WDR37: variants seen among roughly 807,000 people sequenced by gnomAD.
WDR37 encodes WD repeat domain 37, also known as WD repeat-containing protein 37.
A neutral mutation model predicts 62.9 loss-of-function variants in WDR37; 19 were observed. The ratio of observed to expected loss-of-function variants is 0.30; its 90% CI spans 0.21 to 0.44. WDR37 has a LOEUF of 0.44. Among genes scored for constraint, WDR37 ranks in the 20% least tolerant of loss-of-function variants. WDR37 has a pLI of 1.00. For synonymous variants in WDR37, 250 were observed against 260.9 expected, an observed-to-expected ratio of 0.96 and a Z score of 0.40; for missense variants, 474 against 657.6, an observed-to-expected ratio of 0.72 and a Z score of 3.05.
Position 1,103,754 on chromosome 10 carries a change from G to C in WDR37, c.879G>C (p.Gly293=). ...VVIASDWLVG[G]KQAVTASWDR... is the part of the protein sequence containing the mutation. ...TCGCCTCCGACTGGCTGGTTGGGGG[G>C]AAGCAGGCTGTGACTGCCTCCTGGG... Residue 293 remains glycine (G), a synonymous_variant, in exon 10 of 14, where the codon GGG becomes GGC. Coordinates refer to ENST00000263150, the MANE Select transcript of WDR37 (RefSeq NM_014023.4). This position sits in a 1 kb window ranked among gnomAD's most constrained non-coding sequence, Gnocchi z 6.3. 1 of 1,614,242 alleles carries C rather than the reference G, an allele frequency of 6.2e-7. No individual in the cohort carries two copies. Among genetic ancestry groups the C allele is most frequent in the African/African-American group, 1.3e-5 (1 of 75,062 alleles).
Position 1,080,495 on chromosome 10 carries a change from C to G in WDR37, c.396+19C>G, listed in dbSNP as rs370750793. The G allele has an allele frequency of 2.5e-6, 4 of 1,613,944 alleles. No homozygotes were observed. The South Asian group carries it at 4.4e-5, about 18-fold the overall frequency. ...CAGCAAGGTATGCAGGCCACTGGCT[C>G]TTGAGCCATCATGTGGTGGTTAAGG... is the stretch of plus-strand genomic sequence containing the variant. On this transcript the variant is annotated intron_variant, in intron 5 of 13. Transcript: ENST00000263150.
chr10:1,072,083 A>T, intron 1 of WDR37, 33 bp from the exon 2 acceptor site: 1 of 1,559,414 alleles, frequency 6.4e-7, no homozygotes, highest in South Asian at 1.2e-5. Flanking sequence ...AACTCGCTGT[A>T]TCAGAAACAC....
chr10:1,067,376 A>G (rs1235925925), intron 1 of WDR37, among the ~76,000 whole-genome samples: 2 of 152,346 alleles, frequency 1.3e-5, no homozygotes, highest in Non-Finnish European at 2.9e-5. Context: ...TTTGGCCCCT[A>G]GGGATTCATG....
At chr10:1,086,462 A>C in intron 7 of WDR37, 105 bp downstream of exon 7, 1 of 871,888 alleles carries the variant, frequency 1.1e-6, no homozygotes, top group Non-Finnish European at 1.8e-6. Flanking sequence ...AGGAAGCCTT[A>C]CTGTTTCGGT....
intron 3 of WDR37, among the ~76,000 whole-genome samples, chr10:1,078,634 G>A (rs964299900): frequency 2.0e-5 from 3 of 152,158 alleles, no homozygotes; most frequent in African/African-American, 7.2e-5. Flanking sequence ...CAGGTCCTTT[G>A]CGCTGCTCTA....
chr10:1,092,872 CAAAAAAAA>C lies in WDR37; in HGVS notation c.605-561_605-554del, dbSNP rs56220560. Among the ~76,000 whole-genome samples, 15 of 41,978 alleles carry C rather than the reference CAAAAAAAA, an allele frequency of 3.6e-4. No individual in the cohort carries two copies. The South Asian group carries it at 3.6e-3, about 10-fold the overall frequency. The allele number at this position is 41,978 out of a possible 152,430, so 27.5% of individuals were successfully genotyped here. A position where few individuals can be genotyped will look rare whatever the true frequency, so the allele number is the denominator to read the frequency against. On this transcript the variant is annotated intron_variant, in intron 7 of 13. Coordinates refer to ENST00000263150, the MANE Select transcript of WDR37 (RefSeq NM_014023.4). Reference sequence around the variant, plus strand: ...GCAACCAGAGCAAGACCCTATCTCACAAAAAAAAAAAAAAAAAAAAAAAAAAGAAGACC... The same window carrying C: ...GCAACCAGAGCAAGACCCTATCTCACAAAAAAAAAAAAAAAAAAGAAGACC...
intron 1 of WDR37, among the ~76,000 whole-genome samples, chr10:1,058,631 T>C (rs1477945576): frequency 6.6e-6 from 1 of 152,258 alleles, no homozygotes; most frequent in East Asian, 1.9e-4. Context: ...TTGATTGTCA[T>C]CCACAGAATT....
chr10:1,121,878 G>A lies in WDR37; in HGVS notation c.1104-2340G>A, dbSNP rs918220812. Among the ~76,000 whole-genome samples, 2 of 152,134 alleles carry A rather than the reference G, an allele frequency of 1.3e-5. No homozygotes were observed. The highest frequency in any genetic ancestry group is 2.4e-5 in the African/African-American group (1 of 41,416). ...CGCCGCATCATCCTGACTGTGTTCC[G>A]GGGTCTCGGTGTCAGAGCGTGTTGC... On this transcript the variant is annotated intron_variant, in intron 11 of 13. Transcript: ENST00000263150. The surrounding 1 kb of genome is among the most constrained non-coding windows in gnomAD (Gnocchi z 4.5).
rs561349607 is a variant in WDR37, at chr10:1,094,601, G to A, written c.649+1105G>A. ...GGAGTTTACACCTTACGAAGTTGGC[G>A]GTTTGTGGGATGATTGAAAAGGGAG... is the stretch of plus-strand genomic sequence containing the variant. On this transcript the variant is annotated intron_variant, in intron 8 of 13. Transcript: ENST00000263150. Among the ~76,000 whole-genome samples the A allele has an allele frequency of 7.9e-5, 12 of 152,294 alleles. No individual in the cohort carries two copies. In the South Asian group the frequency reaches 2.5e-3, roughly 32 times the overall value.
chr10:1,066,080 AAGAG>A (rs200052950), intron 1 of WDR37, among the ~76,000 whole-genome samples: 5 of 152,192 alleles, frequency 3.3e-5, no homozygotes, highest in South Asian at 2.1e-4. Context: ...AAAAAATAAA[AAGAG>A]AGATGTTAGT....
At chr10:1,064,888 C>T (rs1833491501) in intron 1 of WDR37, among the ~76,000 whole-genome samples, 1 of 152,094 alleles carries the variant, frequency 6.6e-6, no homozygotes, top group African/African-American at 2.4e-5. Flanking sequence ...AGCCACTGTG[C>T]CTGGCCTGAC....
intron 1 of WDR37, among the ~76,000 whole-genome samples, chr10:1,066,433 C>G (rs961943551): frequency 1.3e-5 from 2 of 152,036 alleles, no homozygotes; most frequent in African/African-American, 2.4e-5. Context: ...AGGACTAATG[C>G]AGAAAAAACC....
intron 11 of WDR37, among the ~76,000 whole-genome samples, chr10:1,112,688 T>A (rs990850266): frequency 6.6e-6 from 1 of 152,234 alleles, no homozygotes; most frequent in Non-Finnish European, 1.5e-5. Flanking sequence ...AATGCTGATA[T>A]GAAGGAACTT....
At chr10:1,065,201 C>A (rs758176212) in intron 1 of WDR37, among the ~76,000 whole-genome samples, 3 of 152,000 alleles carry the variant, frequency 2.0e-5, no homozygotes, top group Non-Finnish European at 4.4e-5. Flanking sequence ...GAAGCATAAC[C>A]GTGGTGTGGT....
chr10:1,088,903 A>G (rs1834291779), intron 7 of WDR37, among the ~76,000 whole-genome samples: 1 of 152,198 alleles, frequency 6.6e-6, no homozygotes, highest in Admixed American at 6.5e-5. Flanking sequence ...GCATCCACAC[A>G]TAGACGTGTA....
At chr10:1,067,585 T>C (rs1241926550) in intron 1 of WDR37, among the ~76,000 whole-genome samples, 2 of 152,142 alleles carry the variant, frequency 1.3e-5, no homozygotes, top group Non-Finnish European at 2.9e-5. Context: ...AAAACCCGAA[T>C]AATACTGTTA....
intron 11 of WDR37, among the ~76,000 whole-genome samples, chr10:1,117,765 T>C (rs1835450877): frequency 6.6e-6 from 1 of 152,198 alleles, no homozygotes; most frequent in African/African-American, 2.4e-5. Flanking sequence ...GAAAAGATGG[T>C]GGTGACCATG....
chr10:1,056,580 C>T lies in WDR37; in HGVS notation c.-429C>T, dbSNP rs956762659. On this transcript the variant is annotated 5_prime_UTR_variant, in exon 1 of 14. Coordinates refer to ENST00000263150, the MANE Select transcript of WDR37 (RefSeq NM_014023.4). ...CGCCCCGCCGGTGAGTAGCTACGAC[C>T]CCCGAGGCCACCTCCCGCGAACCGC... 1 of 152,228 alleles carries T rather than the reference C, an allele frequency of 6.6e-6. No individual in the cohort carries two copies. Among genetic ancestry groups the T allele is most frequent in the Non-Finnish European group, 1.5e-5 (1 of 68,060 alleles). The allele number at this position is 152,228 out of a possible 1,614,324, so 9.4% of individuals were successfully genotyped here. A position where few individuals can be genotyped will look rare whatever the true frequency, so the allele number is the denominator to read the frequency against.
At chr10:1,085,813 C>T (rs974431131) in intron 6 of WDR37, among the ~76,000 whole-genome samples, 2 of 152,194 alleles carry the variant, frequency 1.3e-5, no homozygotes, top group Non-Finnish European at 2.9e-5. Context: ...GCTTATTTCT[C>T]AGATTTTCCC....
Sources: allele counts gnomAD v4.1 joint callset (sites outside exome capture counted in the v4.1 genomes callset), GRCh38; gene constraint gnomAD v4.1.1; non-coding constraint Gnocchi (gnomAD v3.1); transcripts MANE v1.5; gene names NCBI Gene and HGNC (gene_info 2026-07-23, HGNC 2026-07-21).